NECTIN1: variants seen among roughly 807,000 people sequenced by gnomAD.
NECTIN1 encodes nectin-1.
A neutral mutation model predicts 48.0 loss-of-function variants in NECTIN1; 23 were observed. That is an observed-to-expected ratio of 0.48 (90% CI 0.34 to 0.68). The LOEUF (loss-of-function observed/expected upper bound fraction) is 0.68. Ranked by LOEUF, NECTIN1 falls within the 30% of genes least tolerant of loss-of-function variation. NECTIN1 has a pLI of 0.01. For synonymous variants in NECTIN1, 270 were observed against 288.9 expected (o/e 0.93, Z 0.66); for missense variants, 591 against 709.9 (o/e 0.83, Z 1.90).
chr11:119,670,683 A>G (rs1591452996), intron 5 of NECTIN1, among the ~76,000 whole-genome samples: 3 of 115,864 alleles, frequency 2.6e-5, no homozygotes, highest in South Asian at 5.9e-4. Context: ...GTCTCGCTCC[A>G]TCGCCTGGGC....
chr11:119,662,395 C>A lies in NECTIN1; in HGVS notation c.*2352G>T, dbSNP rs1349240708. On this transcript the variant is annotated 3_prime_UTR_variant, in exon 6 of 6. Coordinates refer to ENST00000264025, the MANE Select transcript of NECTIN1 (RefSeq NM_002855.5). The surrounding 1 kb of genome is among the most constrained non-coding windows in gnomAD (Gnocchi z 5.3). ...CTCGGTGGGTATGCTGAGGCTGGGC[C>A]CCTGGCAAGTCAGGAGCCTCCTACG... 1 of 985,626 alleles carries A rather than the reference C, an allele frequency of 1.0e-6. No individual in the cohort carries two copies. Among genetic ancestry groups the A allele is most frequent in the Non-Finnish European group, 1.2e-6 (1 of 829,934 alleles). 61.1% of individuals were successfully genotyped at this position (985,626 alleles called of 1,614,324 possible).
At chr11:119,716,856 GCGCA>G (rs541381436) in intron 1 of NECTIN1, among the ~76,000 whole-genome samples, 15 of 152,312 alleles carry the variant, frequency 9.8e-5, no homozygotes, top group Middle Eastern at 3.4e-3. Flanking sequence ...GCACACGCGC[GCGCA>G]CGCACGCACG....
chr11:119,689,730 C>T (rs1865219441), intron 1 of NECTIN1, among the ~76,000 whole-genome samples: 1 of 152,208 alleles, frequency 6.6e-6, no homozygotes, highest in Non-Finnish European at 1.5e-5. Context: ...CTCTCGACCC[C>T]ATCCCCTCGA....
At chr11:119,721,461 C>T (rs1421036361) in intron 1 of NECTIN1, among the ~76,000 whole-genome samples, 3 of 152,194 alleles carry the variant, frequency 2.0e-5, no homozygotes, top group Admixed American at 6.5e-5. Context: ...GTCCCAACTC[C>T]CGAAGCTGTG....
Position 119,684,595 on chromosome 11 carries a change from G to A in NECTIN1, c.80-5830C>T, listed in dbSNP as rs1345304253. Among the ~76,000 whole-genome samples, 2 of 152,186 alleles carry A rather than the reference G, an allele frequency of 1.3e-5. No homozygotes were observed. Among genetic ancestry groups the A allele is most frequent in the Admixed American group, 6.5e-5 (1 of 15,292 alleles). On this transcript the variant is annotated intron_variant, in intron 1 of 5. Transcript: ENST00000264025. This position sits in a 1 kb window ranked among gnomAD's most constrained non-coding sequence, Gnocchi z 5.2. ...GTGACTCACCCACTGGGAGGGGCAG[G>A]GCCTCCATCTGAAACCCTGCTGAGG...
chr11:119,655,021 G>T (rs534038564), intron 5 of NECTIN1, among the ~76,000 whole-genome samples: 1 of 150,718 alleles, frequency 6.6e-6, no homozygotes, highest in Non-Finnish European at 1.5e-5. Flanking sequence ...GCGATTCTCC[G>T]GCCTCAGCCT....
In NECTIN1 at chr11:119,662,947, C is replaced by T. The variant is rs1387934892; in HGVS notation, c.*1800G>A. 1.2e-5 allele frequency: 12 copies of T among 985,690 alleles called. No homozygotes were observed. Among genetic ancestry groups the T allele is most frequent in the South Asian group, 4.7e-5 (1 of 21,278 alleles). 61.1% of individuals were successfully genotyped at this position (985,690 alleles called of 1,614,324 possible). On this transcript the variant is annotated 3_prime_UTR_variant, in exon 6 of 6. Coordinates refer to ENST00000264025, the MANE Select transcript of NECTIN1 (RefSeq NM_002855.5). This position sits in a 1 kb window ranked among gnomAD's most constrained non-coding sequence, Gnocchi z 5.3. ...CAGGGCAGTGAGGGCCAGACAACGA[C>T]GACCCACCTGCTGGGCCCAGGGTTG...
chr11:119,713,994 G>GC (rs575656637), intron 1 of NECTIN1: 75 of 385,994 alleles, frequency 1.9e-4, no homozygotes, highest in Middle Eastern at 7.3e-4. Context: ...ACCCTGAGTG[G>GC]CCCCCCCCTT....
chr11:119,647,815 C>A (rs549511052), intron 5 of NECTIN1, among the ~76,000 whole-genome samples: 3 of 152,224 alleles, frequency 2.0e-5, no homozygotes, highest in African/African-American at 7.2e-5. Context: ...GTAATCCCAG[C>A]ACTTTGAGAG....
At chr11:119,682,899 T>C (rs1396343629) in intron 1 of NECTIN1, among the ~76,000 whole-genome samples, 1 of 152,222 alleles carries the variant, frequency 6.6e-6, no homozygotes, top group Non-Finnish European at 1.5e-5. Context: ...CCCTTGTGAC[T>C]GTCATCTCTT....
At chr11:119,716,146 G>C (rs774065421) in intron 1 of NECTIN1, among the ~76,000 whole-genome samples, 5 of 152,128 alleles carry the variant, frequency 3.3e-5, no homozygotes, top group African/African-American at 7.2e-5. Flanking sequence ...ATCTGGGTTG[G>C]GGGGGCGGAT....
intron 1 of NECTIN1, among the ~76,000 whole-genome samples, chr11:119,715,720 G>A (rs1221278975): frequency 6.6e-6 from 1 of 152,094 alleles, no homozygotes; most frequent in Non-Finnish European, 1.5e-5. Context: ...TAGTGTCACT[G>A]TCCCTTCACG....
chr11:119,664,552 A>C lies in NECTIN1; in HGVS notation c.*195T>G. The C allele has an allele frequency of 7.0e-7, 1 of 1,428,064 alleles. No individual in the cohort carries two copies. The highest frequency in any genetic ancestry group is 9.1e-7 in the Non-Finnish European group (1 of 1,094,584). 88.5% of individuals were successfully genotyped at this position (1,428,064 alleles called of 1,614,324 possible). A position where few individuals can be genotyped will look rare whatever the true frequency, so the allele number is the denominator to read the frequency against. ...ACAACACCATGGGGAAGGGCGGAGG[A>C]GAGGGAGGAAATAAAACACAAAGCC... On this transcript the variant is annotated 3_prime_UTR_variant, in exon 6 of 6. Transcript: ENST00000264025.
At chr11:119,656,784 C>G (rs1025055137), downstream of NECTIN1, among the ~76,000 whole-genome samples, 1 of 152,222 alleles carries the variant, frequency 6.6e-6, no homozygotes, top group African/African-American at 2.4e-5. Context: ...CCCCGAGGGT[C>G]CTCCCTCATC....
In NECTIN1 at chr11:119,677,937, G is replaced by T; in HGVS notation, c.431-80C>A. ...CACCGGCCAAAAGGGCGTGGCATCC[G>T]TCAGGCCTTGTCTTCAGGTCCCCTT... On this transcript the variant is annotated intron_variant, in intron 2 of 5. Transcript: ENST00000264025. The surrounding 1 kb of genome is among the most constrained non-coding windows in gnomAD (Gnocchi z 5.4). The T allele has an allele frequency of 1.4e-6, 2 of 1,411,742 alleles. No homozygotes were observed. Among genetic ancestry groups the T allele is most frequent in the Non-Finnish European group, 9.9e-7 (1 of 1,012,754 alleles). 87.5% of individuals were successfully genotyped at this position (1,411,742 alleles called of 1,614,324 possible).
chr11:119,660,654 G>A (rs946577375), downstream of NECTIN1, among the ~76,000 whole-genome samples: 2 of 152,092 alleles, frequency 1.3e-5, no homozygotes, highest in East Asian at 1.9e-4. Context: ...CCCTAGGAGG[G>A]CACCAGCCGG....
At chr11:119,710,341 C>G (rs1328087939) in intron 1 of NECTIN1, among the ~76,000 whole-genome samples, 1 of 152,180 alleles carries the variant, frequency 6.6e-6, no homozygotes, top group Non-Finnish European at 1.5e-5. Flanking sequence ...TTTGGAAAAC[C>G]AAGCAAGCAA....
rs1263549437 is a variant in NECTIN1 at position 119,662,897 on chromosome 11, G to T, written c.*1850C>A. On this transcript the variant is annotated 3_prime_UTR_variant, in exon 6 of 6. Coordinates refer to ENST00000264025, the MANE Select transcript of NECTIN1 (RefSeq NM_002855.5). The surrounding 1 kb of genome is among the most constrained non-coding windows in gnomAD (Gnocchi z 5.3). ...CATGGCTTCAGACTTCTGCTACGTG[G>T]CTACTGGGCAGCCTGGGCTGGGGCC... 2 of 986,014 alleles carry T rather than the reference G, an allele frequency of 2.0e-6. No individual in the cohort carries two copies. Among genetic ancestry groups the T allele is most frequent in the East Asian group, 1.1e-4 (1 of 8,826 alleles). The allele number at this position is 986,014 out of a possible 1,614,324, so 61.1% of individuals were successfully genotyped here. A position where few individuals can be genotyped will look rare whatever the true frequency, so the allele number is the denominator to read the frequency against.
rs1229870027 is a variant in NECTIN1 at position 119,673,444 on chromosome 11, C to T, written c.1003+1715G>A. Among the ~76,000 whole-genome samples, 1 of 152,212 alleles carries T rather than the reference C, an allele frequency of 6.6e-6. No individual in the cohort carries two copies. The highest frequency in any genetic ancestry group is 1.9e-4 in the East Asian group (1 of 5,196). ...GCCCTCCTGCCCCCAGCCCACACCCCTCACATGTTGATAGCCCACCATCAG... is the reference window on the plus strand; with the variant it reads ...GCCCTCCTGCCCCCAGCCCACACCCTTCACATGTTGATAGCCCACCATCAG... On this transcript the variant is annotated intron_variant, in intron 5 of 5. Transcript: ENST00000264025. The surrounding 1 kb of genome is among the most constrained non-coding windows in gnomAD (Gnocchi z 5.8).
Sources: allele counts gnomAD v4.1 joint callset (sites outside exome capture counted in the v4.1 genomes callset), GRCh38; gene constraint gnomAD v4.1.1; non-coding constraint Gnocchi (gnomAD v3.1); transcripts MANE v1.5; gene names NCBI Gene and HGNC (gene_info 2026-07-23, HGNC 2026-07-21).